Variants in GSN observed in about 807,000 individuals in gnomAD.
The protein encoded by GSN is actin-depolymerizing factor.
GSN carries 56 observed loss-of-function variants against 85.7 expected under a neutral mutation model. That is an observed-to-expected ratio of 0.65 (90% CI 0.53 to 0.82). GSN has a LOEUF of 0.82. GSN is among the 40% of genes least tolerant of loss of function. The pLI is 0.00. For missense variants in GSN, 857 were observed against 979.8 expected (o/e 0.87, Z 1.67); for synonymous variants, 373 against 399.1 (o/e 0.93, Z 0.78).
At chr9:121,298,484 G>A (rs924532595) in intron 2 of GSN, among the ~76,000 whole-genome samples, 1 of 152,190 alleles carries the variant, frequency 6.6e-6, no homozygotes, top group Non-Finnish European at 1.5e-5. Context: ...TCATTAGATA[G>A]AGGCTGGACT....
intron 5 of GSN, chr9:121,239,360 G>T: frequency 2.2e-6 from 1 of 448,200 alleles, no homozygotes; most frequent in South Asian, 1.9e-5. Flanking sequence ...TTCAAAAACA[G>T]GCAGATGTTG....
chr9:121,226,768 C>G (rs879857330), intron 4 of GSN, among the ~76,000 whole-genome samples: 1 of 152,208 alleles, frequency 6.6e-6, no homozygotes, highest in Non-Finnish European at 1.5e-5. Flanking sequence ...TAAGGCAACT[C>G]TTATTGGGCT....
At chr9:121,211,029 G>A (rs991746973) in intron 4 of GSN, among the ~76,000 whole-genome samples, 2 of 152,162 alleles carry the variant, frequency 1.3e-5, no homozygotes, top group Admixed American at 1.3e-4. Context: ...TGACACATGC[G>A]ACAACAAGGA....
chr9:121,291,505 A>G (rs2058689657), intron 2 of GSN, among the ~76,000 whole-genome samples: 2 of 141,982 alleles, frequency 1.4e-5, no homozygotes, highest in East Asian at 2.0e-4. Flanking sequence ...CGCAACCTCC[A>G]TCTCGTGGGT....
Position 121,331,429 on chromosome 9 carries a change from G to T in GSN, c.2007G>T (p.Lys669Asn). The change falls in exon 17 of 18, where the codon AAG becomes AAT. Residue 669 changes from lysine to asparagine, a missense_variant. Transcript: ENST00000432226. ...GAAAGGATTCTCAAGAAGAAGAAAA[G>T]ACAGAAGCCTTGACTTCTGGTGAGG... ...WVGKDSQEEE[K>N]TEALTSAKRY... The T allele has an allele frequency of 5.1e-6, 8 of 1,558,756 alleles. No homozygotes were observed. The highest frequency in any genetic ancestry group is 7.0e-6 in the Non-Finnish European group (8 of 1,146,308).
intron 1 of GSN, among the ~76,000 whole-genome samples, chr9:121,269,601 G>C (rs1564374733): frequency 6.6e-6 from 1 of 152,190 alleles, no homozygotes; most frequent in Non-Finnish European, 1.5e-5. Flanking sequence ...GGTGGGAACG[G>C]TCGGCTTTCA....
At chr9:121,304,833 G>A (rs376698260) in intron 4 of GSN, among the ~76,000 whole-genome samples, 2 of 152,142 alleles carry the variant, frequency 1.3e-5, no homozygotes, top group East Asian at 3.9e-4. Context: ...GCCCTGTGAT[G>A]GGTGCTGGGG....
At chr9:121,201,921 A>C in the GSN span, 1 of 152,914 alleles carries the variant, frequency 6.5e-6, no homozygotes, top group Non-Finnish European at 1.5e-5. Context: ...GGGCCGGACC[A>C]CAAAAGAAGG....
intron 6 of GSN, among the ~76,000 whole-genome samples, chr9:121,250,202 CTTT>C (rs542805619): frequency 7.1e-5 from 9 of 127,502 alleles, no homozygotes; most frequent in African/African-American, 1.0e-4. Flanking sequence ...AGATCCTTCT[CTTT>C]TTTTTTTTTT....
At chr9:121,276,177 A>G (rs2056643656) in intron 1 of GSN, among the ~76,000 whole-genome samples, 1 of 152,220 alleles carries the variant, frequency 6.6e-6, no homozygotes, top group Admixed American at 6.5e-5. Context: ...ATAATGCACT[A>G]TTTATAAAGA....
At chr9:121,220,225 A>T (rs2054144735) in intron 4 of GSN, among the ~76,000 whole-genome samples, 1 of 151,748 alleles carries the variant, frequency 6.6e-6, no homozygotes, top group Non-Finnish European at 1.5e-5. Flanking sequence ...TCTTGCAATA[A>T]CTCTCCAAAC....
At chr9:121,260,014 G>A (rs954817560) in intron 6 of GSN, among the ~76,000 whole-genome samples, 1 of 152,212 alleles carries the variant, frequency 6.6e-6, no homozygotes, top group Non-Finnish European at 1.5e-5. Flanking sequence ...AAACAAATTT[G>A]ATATAAGATT....
chr9:121,328,708 T>C (rs2063530208), intron 14 of GSN, 183 bp from the exon 15 acceptor site: 2 of 670,308 alleles, frequency 3.0e-6, no homozygotes. Context: ...TCTCTGGGCC[T>C]CTATTTCGTC....
intron 6 of GSN, 105 bp downstream of exon 6, chr9:121,312,593 C>G (rs752629658): frequency 9.8e-6 from 8 of 816,396 alleles, no homozygotes; most frequent in South Asian, 6.0e-5. Flanking sequence ...AAAAAAACTT[C>G]CGCTCTACCC....
chr9:121,221,744 G>A (rs1318714048), intron 4 of GSN, among the ~76,000 whole-genome samples: 2 of 152,174 alleles, frequency 1.3e-5, no homozygotes, highest in African/African-American at 4.8e-5. Context: ...GGGCCACAGC[G>A]AGAGTCTGAG....
chr9:121,210,764 C>T (rs1000748863), intron 3 of GSN: 1 of 152,224 alleles, frequency 6.6e-6, no homozygotes, highest in African/African-American at 2.4e-5. Context: ...TAAAACATTT[C>T]ACCCCTTCTC....
intron 4 of GSN, 52 bp from the exon 5 acceptor site, chr9:121,310,632 T>G (rs1350367269): frequency 1.9e-5 from 30 of 1,580,422 alleles, no homozygotes; most frequent in Admixed American, 1.7e-4. Flanking sequence ...CTTCCATATC[T>G]GCTTCCCTGG....
chr9:121,251,184 G>GTTTTTTTTTTTTTTTTTTTTTTTTTT (rs1339859188), intron 6 of GSN, among the ~76,000 whole-genome samples: 1 of 6,368 alleles, frequency 1.6e-4, no homozygotes, highest in African/African-American at 8.9e-4. Context: ...CAGCTGATGT[G>GTTTTTTTTTTTTTTTTTTTTTTTTTT]TTCTTTTTTT....
chr9:121,274,418 T>TTCCC (rs1564388306), intron 1 of GSN, among the ~76,000 whole-genome samples: 1 of 152,224 alleles, frequency 6.6e-6, no homozygotes, highest in African/African-American at 2.4e-5. Flanking sequence ...GCATACTTTT[T>TTCCC]TTGTGTGTTC....
Sources: gnomAD v4.1 joint callset for allele counts (sites outside exome capture counted in the v4.1 genomes callset) on GRCh38, gnomAD v4.1.1 for gene constraint, MANE v1.5 for transcripts, NCBI Gene and HGNC (gene_info 2026-07-23, HGNC 2026-07-21) for gene names.